Variants in SETD2 observed in about 807,000 individuals in gnomAD.
SETD2 encodes SET domain containing 2, histone lysine methyltransferase, also known as histone-lysine N-methyltransferase SETD2.
A neutral mutation model predicts 242.1 loss-of-function variants in SETD2; 31 were observed. The observed-to-expected ratio is 0.13, with a 90% CI of 0.10 to 0.17. The LOEUF (loss-of-function observed/expected upper bound fraction) is 0.17. Among genes scored for constraint, SETD2 ranks in the 10% least tolerant of loss-of-function variants. The pLI is 1.00. For synonymous variants in SETD2, 1,006 were observed against 1,066.5 expected (o/e 0.94, Z 1.11); for missense variants, 2,481 against 3,046.3 (o/e 0.81, Z 4.37).
chr3:47,039,955 C>T (rs2039203291), intron 17 of SETD2, among the ~76,000 whole-genome samples: 6 of 151,144 alleles, frequency 4.0e-5, no homozygotes, highest in Admixed American at 4.0e-4. Flanking sequence ...CAATTAGCAA[C>T]ATAATGAGGA....
chr3:47,084,894 C>CTT (rs879474671), intron 11 of SETD2, among the ~76,000 whole-genome samples: 4 of 133,394 alleles, frequency 3.0e-5, no homozygotes, highest in Non-Finnish European at 3.2e-5. Flanking sequence ...CCATGCACAG[C>CTT]TTTTTTTTTT....
intron 11 of SETD2, 30 bp downstream of exon 11, chr3:47,086,164 TA>T (rs2107645201): frequency 3.7e-6 from 6 of 1,608,880 alleles, no homozygotes; most frequent in Non-Finnish European, 4.2e-6. Flanking sequence ...ATAACAGTTT[TA>T]AGAAACAAGC....
At position 47,017,059 on chromosome 3, in the gene SETD2, C is replaced by G. The variant is rs1167155955; in HGVS notation, c.*34G>C. ...TTTCCTCTCCCTAGAGTCTGTCTTA[C>G]CTGACCACCCATCCTCCCACCCTGG... On this transcript the variant is annotated 3_prime_UTR_variant, in exon 21 of 21. Coordinates refer to ENST00000409792, the MANE Select transcript of SETD2 (RefSeq NM_014159.7). This position sits in a 1 kb window ranked among gnomAD's most constrained non-coding sequence, Gnocchi z 4.8. 6.2e-7 allele frequency: 1 copy of G among 1,609,282 alleles called. No homozygotes were observed. Among genetic ancestry groups the G allele is most frequent in the Non-Finnish European group, 8.5e-7 (1 of 1,176,828 alleles).
In SETD2 at chr3:47,111,556, C is replaced by G. The variant is rs2042653042; in HGVS notation, c.4715+2320G>C. ...GGATACTCCAGCGAGGGTGACAGGG[C>G]AAGACCCTGTCTCAAAAAAATAAAA... On this transcript the variant is annotated intron_variant, in intron 5 of 20. Transcript: ENST00000409792. Among the ~76,000 whole-genome samples the G allele has an allele frequency of 5.3e-5, 8 of 152,052 alleles. No homozygotes were observed. In the South Asian group the frequency reaches 1.7e-3, roughly 32 times the overall value.
At chr3:47,154,661 C>A (rs760562774) in intron 1 of SETD2, among the ~76,000 whole-genome samples, 11 of 151,982 alleles carry the variant, frequency 7.2e-5, no homozygotes. Context: ...TATTGTCTGA[C>A]CCTTTTGCAA....
chr3:47,117,801 T>C (rs1407732051), intron 3 of SETD2, among the ~76,000 whole-genome samples: 1 of 152,250 alleles, frequency 6.6e-6, no homozygotes. Flanking sequence ...TAATAAGCCA[T>C]GCCAGAGTGT....
chr3:47,039,743 T>C (rs1403224220), intron 17 of SETD2, among the ~76,000 whole-genome samples: 3 of 143,616 alleles, frequency 2.1e-5, no homozygotes, highest in Non-Finnish European at 3.0e-5. Context: ...TAGTTGGGCA[T>C]GGTGGCAGGT....
chr3:47,089,214 G>A (rs923022924), intron 9 of SETD2, among the ~76,000 whole-genome samples: 2 of 152,198 alleles, frequency 1.3e-5, no homozygotes, highest in Admixed American at 6.5e-5. Flanking sequence ...GAAAGGCTGA[G>A]GCAGGAAGAT....
chr3:47,081,659 G>T (rs1198967131), intron 12 of SETD2, among the ~76,000 whole-genome samples: 3 of 152,020 alleles, frequency 2.0e-5, no homozygotes, highest in African/African-American at 4.8e-5. Context: ...TGTTTGTCTG[G>T]TTTTTTTAAG....
At chr3:47,063,055 T>G (rs2040406023) in intron 13 of SETD2, among the ~76,000 whole-genome samples, 1 of 152,192 alleles carries the variant, frequency 6.6e-6, no homozygotes, top group African/African-American at 2.4e-5. Context: ...CCAAAATCTG[T>G]GCATACTCAA....
rs148503986 is a variant in SETD2 at position 47,018,795 on chromosome 3, C to T, written c.7431+965G>A. Among the ~76,000 whole-genome samples, 329 of 152,350 alleles carry T rather than the reference C, an allele frequency of 2.2e-3. 1 individual carries two copies. Among genetic ancestry groups the T allele is most frequent in the African/African-American group, 7.3e-3 (304 of 41,578 alleles). ...CAATACCATTCCACCTCATTTTCAA[C>T]AGCCCTCCCATATCTTGTGCTATAG... On this transcript the variant is annotated intron_variant, in intron 19 of 20. Transcript: ENST00000409792.
chr3:47,060,524 C>T (rs995455242), intron 14 of SETD2, among the ~76,000 whole-genome samples: 2 of 152,114 alleles, frequency 1.3e-5, no homozygotes, highest in African/African-American at 4.8e-5. Context: ...AGAGGCACCA[C>T]TGCAGACAAG....
intron 1 of SETD2, among the ~76,000 whole-genome samples, chr3:47,148,662 T>A (rs1364756546): frequency 6.6e-6 from 1 of 152,222 alleles, no homozygotes; most frequent in African/African-American, 2.4e-5. Flanking sequence ...GGTCTTAAAT[T>A]AATGATGTTT....
chr3:47,093,702 C>T (rs892739010), intron 9 of SETD2, among the ~76,000 whole-genome samples: 12 of 152,164 alleles, frequency 7.9e-5, no homozygotes, highest in African/African-American at 1.2e-4. Context: ...CCAGGAACTG[C>T]TGGCTCATAT....
intron 9 of SETD2, among the ~76,000 whole-genome samples, chr3:47,097,599 CA>C (rs2042057538): frequency 6.6e-6 from 1 of 152,134 alleles, no homozygotes; most frequent in African/African-American, 2.4e-5. Flanking sequence ...GAAGAACACT[CA>C]AAGTTTAGAG....
chr3:47,025,906 A>G (rs56249396), intron 18 of SETD2, among the ~76,000 whole-genome samples: 53,105 of 152,086 alleles, frequency 0.35, 9,728 homozygotes, highest in Middle Eastern at 0.49. Context: ...CAAAGACTTC[A>G]TGTCTAAAAC....
At chr3:47,086,146 C>T (rs146284584) in intron 11 of SETD2, 49 bp downstream of exon 11, 4 of 1,599,350 alleles carry the variant, frequency 2.5e-6, no homozygotes, top group Admixed American at 1.7e-5. Context: ...ACAACCGAGG[C>T]AATCAATATA....
In SETD2 at chr3:47,122,780, T is replaced by C; in HGVS notation, c.1856A>G (p.Asn619Ser). Residue 619 changes from asparagine (N) to serine (S), a missense_variant, in exon 3 of 21, where the codon AAT becomes AGT. By Grantham distance (46) the Asn-to-Ser change is conservative. Transcript: ENST00000409792. ...TAAAGTAGGTGAATCATTTAATCGA[T>C]TTGATGGAGCTGGAGACCCAGCCTT... The part of the protein sequence containing the change: ...REKAGSPAPS[N>S]RLNDSPTLKK... 1 of 1,611,330 alleles carries C rather than the reference T, an allele frequency of 6.2e-7. No individual in the cohort carries two copies. The highest frequency in any genetic ancestry group is 8.5e-7 in the Non-Finnish European group (1 of 1,179,324).
rs2106868358 is a variant in SETD2 at position 47,163,861 on chromosome 3, T to G, written c.64A>C (p.Thr22Pro). Residue 22 changes from threonine (T) to proline (P), a missense_variant, in exon 1 of 21, where the codon ACC (threonine) becomes CCC (proline). By Grantham distance (38) the Thr-to-Pro change is conservative (BLOSUM62 -1). Transcript: ENST00000409792. ...CGCGGAGCTGATACTTACTCAGGGG[T>G]CGGGTGCTCCGGGTCGTAGAAATCC... ...MGDFYDPEHP[T>P]PEEEENEAKI... 7.6e-7 allele frequency: 1 copy of G among 1,307,276 alleles called. No homozygotes were observed. Among genetic ancestry groups the G allele is most frequent in the Non-Finnish European group, 9.8e-7 (1 of 1,021,664 alleles). 81.0% of individuals were successfully genotyped at this position (1,307,276 alleles called of 1,614,324 possible). A position where few individuals can be genotyped will look rare whatever the true frequency, so the allele number is the denominator to read the frequency against.
Sources: allele counts gnomAD v4.1 joint callset (sites outside exome capture counted in the v4.1 genomes callset), GRCh38; gene constraint gnomAD v4.1.1; non-coding constraint Gnocchi (gnomAD v3.1); transcripts MANE v1.5; gene names NCBI Gene and HGNC (gene_info 2026-07-23, HGNC 2026-07-21).